PHF20: variants seen among roughly 807,000 people sequenced by gnomAD.
PHF20 encodes glioma-expressed antigen 2.
PHF20 carries 23 observed loss-of-function variants against 113.5 expected under a neutral mutation model. That is an observed-to-expected ratio of 0.20 (90% CI 0.15 to 0.29). PHF20 has a LOEUF of 0.29. PHF20 is among the 10% of genes least tolerant of loss of function. The pLI is 1.00. For synonymous variants in PHF20, 434 were observed against 457.3 expected (o/e 0.95, Z 0.65); for missense variants, 943 against 1,219.6 (o/e 0.77, Z 3.38).
chr20:35,931,000 C>G lies in PHF20; in HGVS notation c.2105-249C>G, dbSNP rs556528807. Among the ~76,000 whole-genome samples, 270 of 152,150 alleles carry G rather than the reference C, an allele frequency of 1.8e-3. 2 individuals carry two copies. The highest frequency in any genetic ancestry group is 3.3e-3 in the Non-Finnish European group (221 of 67,992). Reference sequence around the variant, plus strand: ...ATAAATTTGGAGATAATCTAGGTGCCCAGCTCACCTCTGGCCAGTTCCAGG... The same window carrying G: ...ATAAATTTGGAGATAATCTAGGTGCGCAGCTCACCTCTGGCCAGTTCCAGG... On this transcript the variant is annotated intron_variant, in intron 14 of 17. Transcript: ENST00000374012.
intron 4 of PHF20, among the ~76,000 whole-genome samples, chr20:35,857,583 T>TTG (rs2042859663): frequency 6.9e-6 from 1 of 145,306 alleles, no homozygotes; most frequent in African/African-American, 2.6e-5. Context: ...TTTTTTTTTT[T>TTG]TTTGTTTTTT....
At chr20:35,865,307 C>G (rs919346541) in intron 6 of PHF20, among the ~76,000 whole-genome samples, 4 of 151,860 alleles carry the variant, frequency 2.6e-5, no homozygotes, top group Non-Finnish European at 4.4e-5. Context: ...TCGAGACCAG[C>G]CTTGGCAACA....
At chr20:35,924,910 T>C (rs1174373566) in intron 13 of PHF20, among the ~76,000 whole-genome samples, 1 of 152,110 alleles carries the variant, frequency 6.6e-6, no homozygotes, top group Non-Finnish European at 1.5e-5. Context: ...CCATTTTTCT[T>C]TTTTTTAAGC....
chr20:35,799,216 T>C (rs1013190196), intron 1 of PHF20, among the ~76,000 whole-genome samples: 7 of 147,550 alleles, frequency 4.7e-5, no homozygotes, highest in African/African-American at 1.8e-4. Context: ...TCCCAGCACT[T>C]TGGGAGGCCC....
intron 9 of PHF20, among the ~76,000 whole-genome samples, chr20:35,875,329 C>CAG (rs2054500771): frequency 1.3e-5 from 2 of 150,896 alleles, no homozygotes; most frequent in South Asian, 4.2e-4. Flanking sequence ...ACCCAGAAGG[C>CAG]AGAGGTTGCA....
At chr20:35,935,433 C>G (rs2055845673) in intron 15 of PHF20, among the ~76,000 whole-genome samples, 1 of 152,164 alleles carries the variant, frequency 6.6e-6, no homozygotes, top group South Asian at 2.1e-4. Flanking sequence ...GTGGTATGAT[C>G]GCGGCTCACT....
At chr20:35,881,488 C>T (rs943562535) in intron 9 of PHF20, among the ~76,000 whole-genome samples, 14 of 148,304 alleles carry the variant, frequency 9.4e-5, no homozygotes, top group African/African-American at 3.2e-4. Context: ...TTGCAGTGAG[C>T]TGAGATAGCA....
intron 9 of PHF20, among the ~76,000 whole-genome samples, chr20:35,886,448 T>C (rs2054734702): frequency 6.6e-6 from 1 of 152,218 alleles, no homozygotes; most frequent in Non-Finnish European, 1.5e-5. Flanking sequence ...TGATTGCTTT[T>C]TGATGCTTCA....
chr20:35,881,177 C>T (rs1398621269), intron 9 of PHF20, among the ~76,000 whole-genome samples: 1 of 150,130 alleles, frequency 6.7e-6, no homozygotes, highest in Non-Finnish European at 1.5e-5. Context: ...CCTGCCTCAG[C>T]CTCCTGAGTA....
At chr20:35,854,081 A>G (rs1364092750) in intron 4 of PHF20, among the ~76,000 whole-genome samples, 1 of 152,202 alleles carries the variant, frequency 6.6e-6, no homozygotes. Flanking sequence ...TAAGAAAAAA[A>G]GAGGCCCTGG....
At chr20:35,778,709 C>T (rs986923407) in intron 1 of PHF20, among the ~76,000 whole-genome samples, 2 of 150,466 alleles carry the variant, frequency 1.3e-5, no homozygotes, top group African/African-American at 2.5e-5. Context: ...GCCGAGATTA[C>T]ACCACTGCGC....
At chr20:35,886,616 C>T (rs920969096) in intron 9 of PHF20, among the ~76,000 whole-genome samples, 1 of 152,122 alleles carries the variant, frequency 6.6e-6, no homozygotes, top group African/African-American at 2.4e-5. Context: ...GAACACATGA[C>T]AATGAGAAGT....
chr20:35,796,216 AAGTT>A (rs1412696655), intron 1 of PHF20, among the ~76,000 whole-genome samples: 1 of 152,042 alleles, frequency 6.6e-6, no homozygotes, highest in African/African-American at 2.4e-5. Context: ...ACTCTCTGTA[AAGTT>A]AGTTTATATC....
chr20:35,913,232 T>A lies in PHF20; in HGVS notation c.1562-17T>A. 1.3e-6 allele frequency: 2 copies of A among 1,550,862 alleles called. No homozygotes were observed. Among genetic ancestry groups the A allele is most frequent in the Non-Finnish European group, 8.9e-7 (1 of 1,128,518 alleles). On this transcript the variant is annotated splice_polypyrimidine_tract_variant and intron_variant, in intron 10 of 17. Transcript: ENST00000374012. ...AAAACAAAATGTTAAAATGCCAACA[T>A]TTGTGTTTAATTCTAGCTACAAAAG...
intron 10 of PHF20, among the ~76,000 whole-genome samples, chr20:35,908,784 A>G (rs962705429): frequency 6.6e-6 from 1 of 152,182 alleles, no homozygotes; most frequent in East Asian, 1.9e-4. Flanking sequence ...TTTCAGTTCC[A>G]TTGGAGCCAT....
At chr20:35,894,536 G>C (rs1462715443) in intron 9 of PHF20, among the ~76,000 whole-genome samples, 2 of 152,170 alleles carry the variant, frequency 1.3e-5, no homozygotes, top group Non-Finnish European at 2.9e-5. Context: ...GGCTGTGGGT[G>C]GTGGACACTT....
intron 3 of PHF20, 48 bp downstream of exon 3, chr20:35,842,792 G>C (rs1184381289): frequency 6.5e-7 from 1 of 1,536,414 alleles, no homozygotes; most frequent in Admixed American, 1.8e-5. Flanking sequence ...GTCAGCCATT[G>C]GGCTGTTTGT....
At chr20:35,875,261 G>T (rs950199516) in intron 9 of PHF20, among the ~76,000 whole-genome samples, 8 of 152,086 alleles carry the variant, frequency 5.3e-5, no homozygotes, top group Non-Finnish European at 1.5e-5. Flanking sequence ...TGCTGGGCTT[G>T]GTGGCGCACG....
At chr20:35,783,444 C>T (rs1402498730) in intron 1 of PHF20, among the ~76,000 whole-genome samples, 5 of 151,820 alleles carry the variant, frequency 3.3e-5, no homozygotes, top group Non-Finnish European at 7.4e-5. Flanking sequence ...ATGATGGACT[C>T]TCACTCTGTT....
Sources: gnomAD v4.1 joint callset for allele counts (sites outside exome capture counted in the v4.1 genomes callset) on GRCh38, gnomAD v4.1.1 for gene constraint, MANE v1.5 for transcripts, NCBI Gene and HGNC (gene_info 2026-07-23, HGNC 2026-07-21) for gene names.